Variants in EPHB4 observed in about 807,000 individuals in gnomAD.
EPHB4 encodes EPH receptor B4.
In EPHB4, 50 loss-of-function variants were observed where a neutral mutation model predicts 110.6. The observed-to-expected ratio is 0.45, with a 90% CI of 0.36 to 0.57. EPHB4 has a LOEUF of 0.57. EPHB4 is among the 20% of genes least tolerant of loss of function. The pLI, the probability that EPHB4 is intolerant of heterozygous loss-of-function variation, is 0.00. For missense variants in EPHB4, 1,128 were observed against 1,382.1 expected (o/e 0.82, Z 2.91); for synonymous variants, 592 against 578.4 (o/e 1.02, Z -0.34).
intron 4 of EPHB4, 109 bp from the exon 5 acceptor site, chr7:100,820,405 A>T: frequency 7.3e-7 from 1 of 1,369,482 alleles, no homozygotes; most frequent in Non-Finnish European, 9.6e-7. Context: ...CTGAGGCTGG[A>T]GGATCGCTTG....
chr7:100,809,595 C>A (rs1291087164), intron 12 of EPHB4, among the ~76,000 whole-genome samples: 1 of 152,192 alleles, frequency 6.6e-6, no homozygotes, highest in Non-Finnish European at 1.5e-5. Flanking sequence ...CTCACTACAG[C>A]CTCGATCTCC....
In EPHB4 at chr7:100,817,319, C is replaced by T. The variant is rs375034189; in HGVS notation, c.1461G>A (p.Thr487=). Residue 487 remains threonine, a synonymous_variant, in exon 8 of 17, where the codon ACG becomes ACA. Transcript: ENST00000358173. ...CCCGCAGCTCTGCCCGGTTTTCTGA[C>T]GTCTTCAGGAACCGCACGCTGCTGG... ...EGPSSVRFLK[T]SENRAELRGL... is the part of the protein sequence containing the mutation. The T allele has an allele frequency of 1.1e-4, 173 of 1,589,196 alleles. No individual in the cohort carries two copies. Among genetic ancestry groups the T allele is most frequent in the Non-Finnish European group, 1.4e-4 (166 of 1,168,812 alleles).
intron 16 of EPHB4, 122 bp downstream of exon 16, chr7:100,805,044 G>A: frequency 7.9e-7 from 1 of 1,267,290 alleles, no homozygotes; most frequent in Non-Finnish European, 1.1e-6. Flanking sequence ...CATGGCATGA[G>A]CGCAGTGCAA....
At chr7:100,818,361 C>G (rs1813133439) in intron 7 of EPHB4, among the ~76,000 whole-genome samples, 159 bp downstream of exon 7, 1 of 152,220 alleles carries the variant, frequency 6.6e-6, no homozygotes, top group Non-Finnish European at 1.5e-5. Context: ...GATGAAGAGT[C>G]TGAGGCTCAG....
In EPHB4 at chr7:100,807,371, G is replaced by A; in HGVS notation, c.2328C>T (p.Ser776=). Residue 776 remains serine (S), a synonymous_variant, in exon 13 of 17, where the codon AGC becomes AGT. Coordinates refer to ENST00000358173, the MANE Select transcript of EPHB4 (RefSeq NM_004444.5). ...GTATTACCCCCAGCATTACCAGGGA[G>A]CTCGTGTAGGTGGGATCGGAAGAGT... ...EENSSDPTYT[S]SLGGKIPIRW... is the part of the protein sequence containing the mutation. The A allele has an allele frequency of 6.2e-7, 1 of 1,613,642 alleles. No individual in the cohort carries two copies. The highest frequency in any genetic ancestry group is 8.5e-7 in the Non-Finnish European group (1 of 1,179,884).
chr7:100,810,688 G>A (rs1390764817), intron 12 of EPHB4, among the ~76,000 whole-genome samples: 1 of 152,068 alleles, frequency 6.6e-6, no homozygotes, highest in Non-Finnish European at 1.5e-5. Flanking sequence ...AGGCTGCAGT[G>A]AGCTATGATT....
intron 13 of EPHB4, among the ~76,000 whole-genome samples, chr7:100,806,862 G>A (rs957050562): frequency 6.6e-6 from 1 of 152,256 alleles, no homozygotes; most frequent in Non-Finnish European, 1.5e-5. Context: ...TAGCGACAGG[G>A]TTTTCCCATG....
Position 100,823,744 on chromosome 7 carries a change from C to T in EPHB4, c.311G>A (p.Gly104Glu). ...MLECLSLPRA[G>E]RSCKETFTVF... is the part of the protein sequence containing the mutation. ...GGTGAAGGTCTCCTTGCAGGAGCGC[C>T]CAGCCCGAGGCAGGGACAGGCACTC... is the stretch of plus-strand genomic sequence containing the variant. The change falls in exon 3 of 17, where the codon GGG becomes GAG. Residue 104 changes from glycine to glutamate, a missense_variant. Around this residue, in one of 3 missense-constraint regions of EPHB4, gnomAD observed 728 missense variants for 828.6 expected, o/e 0.88. Coordinates refer to ENST00000358173, the MANE Select transcript of EPHB4 (RefSeq NM_004444.5). The T allele has an allele frequency of 6.2e-7, 1 of 1,613,644 alleles. No individual in the cohort carries two copies. The highest frequency in any genetic ancestry group is 8.5e-7 in the Non-Finnish European group (1 of 1,179,972).
intron 1 of EPHB4, 114 bp from the exon 2 acceptor site, chr7:100,824,387 T>TG: frequency 1.7e-6 from 2 of 1,160,222 alleles, no homozygotes; most frequent in Non-Finnish European, 1.3e-6. Flanking sequence ...CTAGAGGAGT[T>TG]GGGGGGCCAA....
chr7:100,810,281 C>T (rs1175682429), intron 12 of EPHB4, among the ~76,000 whole-genome samples: 2 of 151,932 alleles, frequency 1.3e-5, no homozygotes, highest in Non-Finnish European at 2.9e-5. Flanking sequence ...AAAAACCCCA[C>T]ATCAGATAGA....
chr7:100,808,723 C>G (rs553420757), intron 12 of EPHB4, among the ~76,000 whole-genome samples: 44 of 152,316 alleles, frequency 2.9e-4, no homozygotes, highest in Middle Eastern at 3.4e-3. Flanking sequence ...AAGTCACAGA[C>G]AGTAAACAAA....
chr7:100,805,619 G>C lies in EPHB4; in HGVS notation c.2560C>G (p.Leu854Val), dbSNP rs1341056929. ...DCPTSLHQLM[L>V]DCWQKDRNAR... is the part of the protein sequence containing the mutation. ...TTCCGGTCTTTCTGCCAACAGTCCA[G>C]CATGAGCTGGTGGAGGGAGGTGGGA... is the stretch of plus-strand genomic sequence containing the variant. The change falls in exon 15 of 17, where the codon CTG becomes GTG. Residue 854 changes from leucine (L) to valine (V), a missense_variant. By Grantham distance (32) the Leu-to-Val change is conservative (BLOSUM62 1). Around this residue, in one of 3 missense-constraint regions of EPHB4, gnomAD observed 209 missense variants for 240.5 expected, o/e 0.87. Coordinates refer to ENST00000358173, the MANE Select transcript of EPHB4 (RefSeq NM_004444.5). 3.8e-6 allele frequency: 6 copies of C among 1,561,442 alleles called. No homozygotes were observed. Among genetic ancestry groups the C allele is most frequent in the Non-Finnish European group, 5.2e-6 (6 of 1,155,488 alleles).
intron 8 of EPHB4, among the ~76,000 whole-genome samples, chr7:100,815,533 T>G (rs1376603461): frequency 6.6e-6 from 1 of 152,128 alleles, no homozygotes; most frequent in African/African-American, 2.4e-5. Flanking sequence ...GGGTCTCTTT[T>G]GAGGGTGCTG....
intron 1 of EPHB4, chr7:100,825,463 A>G (rs1431932952): frequency 6.6e-6 from 1 of 152,240 alleles, no homozygotes; most frequent in East Asian, 1.9e-4. Context: ...GCCCAGAGCA[A>G]GCGCAGGCTC....
rs755332263 is a variant in EPHB4 at position 100,819,752 on chromosome 7, C to T, written c.1102G>A (p.Gly368Ser). Reference protein sequence around the residue: ...ALRCRECRPGGSCAPCGGDLT... With the variant: ...ALRCRECRPGSSCAPCGGDLT... ...TCTCCCCCGCAGGGCGCACAGGAGC[C>T]TCCGGGTCGGCACTCCCGGCAGCGG... The change falls in exon 6 of 17, where the codon GGC (glycine) becomes AGC (serine). Residue 368 changes from glycine (G) to serine (S), a missense_variant. Gly to Ser is a moderately conservative substitution (Grantham distance 56). Coordinates refer to ENST00000358173, the MANE Select transcript of EPHB4 (RefSeq NM_004444.5). 3.7e-6 allele frequency: 6 copies of T among 1,605,786 alleles called. No homozygotes were observed. Among genetic ancestry groups the T allele is most frequent in the Middle Eastern group, 1.7e-4 (1 of 6,050 alleles).
intron 8 of EPHB4, among the ~76,000 whole-genome samples, chr7:100,816,443 C>G (rs1188696884): frequency 6.6e-6 from 1 of 151,712 alleles, no homozygotes; most frequent in African/African-American, 2.4e-5. Flanking sequence ...AAGCGATTCT[C>G]CTGCCTCAGC....
chr7:100,807,763 GAAC>G (rs1812849079), intron 12 of EPHB4, among the ~76,000 whole-genome samples, 183 bp from the exon 13 acceptor site: 1 of 152,046 alleles, frequency 6.6e-6, no homozygotes, highest in African/African-American at 2.4e-5. Context: ...TGAGTAGCTG[GAAC>G]AATAGGCATG....
At position 100,807,440 on chromosome 7, in the gene EPHB4, G is replaced by A; in HGVS notation, c.2259C>T (p.Val753=). Residue 753 remains valine (V), a synonymous_variant, in exon 13 of 17, where the codon GTC becomes GTT. Transcript: ENST00000358173. ...AAAGGCCAAAGTCAGACACTTTGCA[G>A]ACGAGGTTGCTGTTGACTAGGATGT... ...ARNILVNSNL[V]CKVSDFGLSR... is the part of the protein sequence containing the mutation. 1.2e-6 allele frequency: 2 copies of A among 1,614,072 alleles called. No homozygotes were observed. Among genetic ancestry groups the A allele is most frequent in the South Asian group, 2.2e-5 (2 of 91,080 alleles).
At chr7:100,824,991 TC>T (rs1179483127) in intron 1 of EPHB4, 2 of 139,856 alleles carry the variant, frequency 1.4e-5, no homozygotes, top group Admixed American at 1.4e-4. Context: ...GCTCGGATCA[TC>T]GGGGGAGGGG....
Sources: allele counts gnomAD v4.1 joint callset (sites outside exome capture counted in the v4.1 genomes callset), GRCh38; gene constraint gnomAD v4.1.1; regional missense constraint gnomAD v4.1.1; transcripts MANE v1.5; gene names NCBI Gene and HGNC (gene_info 2026-07-23, HGNC 2026-07-21).